The following ACTR3 variants were observed in gnomAD, a reference collection of about 807,000 sequenced individuals.
ACTR3 encodes the protein actin related protein 3, also known as actin-related protein 3.
A neutral mutation model predicts 56.8 loss-of-function variants in ACTR3; 12 were observed. The ratio of observed to expected loss-of-function variants is 0.21; its 90% CI spans 0.14 to 0.34. ACTR3 has a LOEUF of 0.34. Ranked by LOEUF, ACTR3 falls within the 10% of genes least tolerant of loss-of-function variation. The pLI is 1.00. For synonymous variants in ACTR3, 162 were observed against 167.4 expected, an observed-to-expected ratio of 0.97 and a Z score of 0.25; for missense variants, 282 against 512.5, an observed-to-expected ratio of 0.55 and a Z score of 4.34.
At chr2:113,935,369 G>A (rs889166227) in intron 6 of ACTR3, among the ~76,000 whole-genome samples, 12 of 152,132 alleles carry the variant, frequency 7.9e-5, no homozygotes, top group Non-Finnish European at 1.3e-4. Flanking sequence ...ATTTCCCCTT[G>A]ATTCCTTCAG....
At chr2:113,926,314 T>TA (rs1679618859) in intron 3 of ACTR3, among the ~76,000 whole-genome samples, 1 of 152,256 alleles carries the variant, frequency 6.6e-6, no homozygotes, top group South Asian at 2.1e-4. Context: ...CTGTGACTTG[T>TA]AGATCACGCA....
At chr2:113,950,442 A>G (rs1004790108) in intron 8 of ACTR3, among the ~76,000 whole-genome samples, 2 of 152,206 alleles carry the variant, frequency 1.3e-5, no homozygotes, top group African/African-American at 4.8e-5. Flanking sequence ...ATCTTGTTCA[A>G]CCTCAATGGG....
chr2:113,917,481 G>T (rs1434980058), intron 3 of ACTR3, among the ~76,000 whole-genome samples: 1 of 151,804 alleles, frequency 6.6e-6, no homozygotes, highest in Non-Finnish European at 1.5e-5. Flanking sequence ...TAATTATACA[G>T]TTCGAAGAAT....
chr2:113,939,501 T>C (rs1679887396), intron 6 of ACTR3, among the ~76,000 whole-genome samples: 1 of 152,236 alleles, frequency 6.6e-6, no homozygotes, highest in South Asian at 2.1e-4. Context: ...GAATCAGTTC[T>C]ACAGAATTTA....
chr2:113,893,478 G>A (rs1162385573), intron 1 of ACTR3, among the ~76,000 whole-genome samples: 1 of 152,092 alleles, frequency 6.6e-6, no homozygotes, highest in African/African-American at 2.4e-5. Flanking sequence ...CTTTTTAGTA[G>A]AGATGGGGTT....
intron 1 of ACTR3, among the ~76,000 whole-genome samples, chr2:113,895,522 G>C (rs1678990223): frequency 2.0e-5 from 3 of 152,178 alleles, no homozygotes; most frequent in South Asian, 4.1e-4. Context: ...AGAATCTCAA[G>C]GGTTGGACTA....
intron 10 of ACTR3, chr2:113,955,276 ATTTG>A (rs964782090): frequency 5.4e-5 from 9 of 165,432 alleles, no homozygotes; most frequent in Admixed American, 5.1e-4. Context: ...AATTAGTTTA[ATTTG>A]TTTTTGTTGT....
chr2:113,939,309 A>T (rs1679884266), intron 6 of ACTR3, among the ~76,000 whole-genome samples: 1 of 152,152 alleles, frequency 6.6e-6, no homozygotes, highest in South Asian at 2.1e-4. Context: ...GGCGTGAGCC[A>T]CCGCGCCCGG....
At chr2:113,938,086 A>G (rs975689715) in intron 6 of ACTR3, among the ~76,000 whole-genome samples, 3 of 149,980 alleles carry the variant, frequency 2.0e-5, no homozygotes, top group Non-Finnish European at 4.4e-5. Flanking sequence ...CAAATTCACT[A>G]TTTTTTCTTC....
intron 8 of ACTR3, 59 bp downstream of exon 8, chr2:113,942,418 TA>T: frequency 8.5e-7 from 1 of 1,175,254 alleles, no homozygotes; most frequent in South Asian, 2.5e-5. Flanking sequence ...AATTAATAGA[TA>T]TTCAGAGAGA....
At chr2:113,948,521 A>G (rs993595324) in intron 8 of ACTR3, among the ~76,000 whole-genome samples, 5 of 152,166 alleles carry the variant, frequency 3.3e-5, no homozygotes, top group African/African-American at 7.2e-5. Context: ...TTCTTCTGTC[A>G]TCACAGACAG....
At position 113,956,161 on chromosome 2, in the gene ACTR3, T is replaced by G. The variant is rs1027854587; in HGVS notation, c.1161+455T>G. 2.4e-4 allele frequency among the ~76,000 whole-genome samples: 36 copies of G among 152,008 alleles called. 1 individual carries two copies. Among genetic ancestry groups the G allele is most frequent in the Admixed American group, 1.6e-3 (25 of 15,242 alleles). ...TCCACCTCAGCCTCCCAAAGAGCGC[T>G]GAGTTTACAGGTGTGAGCTGCTGCG... On this transcript the variant is annotated intron_variant, in intron 11 of 11. Coordinates refer to ENST00000263238, the MANE Select transcript of ACTR3 (RefSeq NM_005721.5).
At chr2:113,916,749 G>A in intron 2 of ACTR3, 135 bp from the exon 3 acceptor site, 1 of 648,436 alleles carries the variant, frequency 1.5e-6, no homozygotes, top group Non-Finnish European at 2.3e-6. Context: ...TATGACTTTT[G>A]TGAATTAGTT....
rs141720733 is a variant in ACTR3, at chr2:113,896,008, GCCA to G, written c.44+5689_44+5691del. On this transcript the variant is annotated intron_variant, in intron 1 of 11. Transcript: ENST00000263238. ...CGAGTAGCTGGGACTACAGGCACAT[GCCA>G]CCATGTGTGGCTACTTTTAAAAATT... is the stretch of plus-strand genomic sequence containing the variant. 0.016 allele frequency among the ~76,000 whole-genome samples: 2,420 copies of G among 152,222 alleles called. 147 individuals are homozygous for G. The East Asian group carries it at 0.21, about 13-fold the overall frequency.
intron 1 of ACTR3, among the ~76,000 whole-genome samples, chr2:113,912,571 C>G (rs543849447): frequency 6.6e-6 from 1 of 152,164 alleles, no homozygotes; most frequent in African/African-American, 2.4e-5. Context: ...CTTCTCATTT[C>G]TGTTCATCAT....
intron 3 of ACTR3, among the ~76,000 whole-genome samples, chr2:113,924,707 C>T (rs192939157): frequency 2.2e-4 from 33 of 151,898 alleles, no homozygotes; most frequent in African/African-American, 7.7e-4. Flanking sequence ...TTTTTGTATA[C>T]CATGCAGTGT....
chr2:113,934,222 T>G, intron 5 of ACTR3, 57 bp from the exon 6 acceptor site: 4 of 1,219,212 alleles, frequency 3.3e-6, no homozygotes, highest in Non-Finnish European at 3.5e-6. Context: ...GATTAACTCT[T>G]TGTTTTTTTG....
At chr2:113,932,400 C>A (rs772358285) in intron 5 of ACTR3, among the ~76,000 whole-genome samples, 1 of 152,024 alleles carries the variant, frequency 6.6e-6, no homozygotes, top group Non-Finnish European at 1.5e-5. Context: ...GCTTCTCATC[C>A]TATGTTAAAT....
At chr2:113,910,840 G>A (rs36061122) in intron 1 of ACTR3, among the ~76,000 whole-genome samples, 1 of 152,160 alleles carries the variant, frequency 6.6e-6, no homozygotes, top group Non-Finnish European at 1.5e-5. Context: ...TCCTGTTTTA[G>A]GGTATTGTTG....
Sources: gnomAD v4.1 joint callset for allele counts (sites outside exome capture counted in the v4.1 genomes callset) on GRCh38, gnomAD v4.1.1 for gene constraint, MANE v1.5 for transcripts, NCBI Gene and HGNC (gene_info 2026-07-23, HGNC 2026-07-21) for gene names.